BTBD10: variants seen among roughly 807,000 people sequenced by gnomAD.
The protein encoded by BTBD10 is BTB domain containing 10, also known as BTB/POZ domain-containing protein 10.
Under a neutral mutation model 53.2 loss-of-function variants are expected in BTBD10, and 21 were observed. The observed-to-expected ratio is 0.39, with a 90% CI of 0.28 to 0.57. The LOEUF (loss-of-function observed/expected upper bound fraction) is 0.57. BTBD10 is among the 20% of genes least tolerant of loss of function. BTBD10 has a pLI of 0.53. For missense variants in BTBD10, 360 were observed against 594.7 expected (o/e 0.61, Z 4.10); for synonymous variants, 149 against 192.7 (o/e 0.77, Z 1.88).
intron 2 of BTBD10, among the ~76,000 whole-genome samples, chr11:13,423,737 T>TA (rs1316989143): frequency 6.6e-6 from 1 of 152,198 alleles, no homozygotes; most frequent in East Asian, 1.9e-4. Flanking sequence ...TTTTTTGTTA[T>TA]TTTGGTGGTT....
intron 8 of BTBD10, among the ~76,000 whole-genome samples, chr11:13,392,300 G>A (rs1048813346): frequency 7.9e-5 from 12 of 152,238 alleles, no homozygotes; most frequent in Non-Finnish European, 1.3e-4. Flanking sequence ...AGATTGGGAT[G>A]GGCAGAAACA....
chr11:13,461,226 A>G (rs921686223), intron 1 of BTBD10, among the ~76,000 whole-genome samples: 16 of 152,304 alleles, frequency 1.1e-4, no homozygotes, highest in African/African-American at 3.1e-4. Flanking sequence ...AACTATGGAC[A>G]GGTTTGGATT....
chr11:13,419,413 A>T, intron 4 of BTBD10, 47 bp downstream of exon 4: 1 of 1,579,184 alleles, frequency 6.3e-7, no homozygotes, highest in Non-Finnish European at 8.6e-7. Context: ...TAATGGCAGT[A>T]AAAGCACATT....
chr11:13,418,137 G>T (rs1030291852), intron 4 of BTBD10, among the ~76,000 whole-genome samples: 3 of 151,786 alleles, frequency 2.0e-5, no homozygotes, highest in African/African-American at 7.3e-5. Flanking sequence ...CTCTTTTGTT[G>T]TAACACAGAA....
chr11:13,425,802 C>T (rs1033538090), intron 2 of BTBD10, among the ~76,000 whole-genome samples: 4 of 152,102 alleles, frequency 2.6e-5, no homozygotes, highest in African/African-American at 9.7e-5. Flanking sequence ...TTGCTCACTA[C>T]ACACTGTATA....
At chr11:13,408,082 C>T (rs1349163458) in intron 6 of BTBD10, among the ~76,000 whole-genome samples, 2 of 152,142 alleles carry the variant, frequency 1.3e-5, no homozygotes, top group Non-Finnish European at 2.9e-5. Context: ...CAGCCATAAG[C>T]CACCTCTGCT....
intron 3 of BTBD10, among the ~76,000 whole-genome samples, chr11:13,420,810 C>G (rs1184732464): frequency 6.6e-6 from 1 of 152,104 alleles, no homozygotes; most frequent in Non-Finnish European, 1.5e-5. Context: ...TTATTATATC[C>G]TGCTATTCTA....
chr11:13,407,926 C>A (rs868135498), intron 6 of BTBD10, among the ~76,000 whole-genome samples: 3 of 152,178 alleles, frequency 2.0e-5, no homozygotes, highest in African/African-American at 7.2e-5. Flanking sequence ...AGAGAGCACA[C>A]ATAGGTATTC....
At chr11:13,404,812 G>A (rs1360832268) in intron 7 of BTBD10, among the ~76,000 whole-genome samples, 10 of 152,106 alleles carry the variant, frequency 6.6e-5, no homozygotes, top group South Asian at 2.1e-4. Context: ...AATCTCCTTC[G>A]GAAGTTAAAA....
chr11:13,437,386 A>G (rs1057429366), intron 2 of BTBD10, among the ~76,000 whole-genome samples: 2 of 152,164 alleles, frequency 1.3e-5, no homozygotes, highest in Admixed American at 6.5e-5. Context: ...CCTTACATAT[A>G]TACTCCCAAA....
At position 13,388,951 on chromosome 11, in the gene BTBD10, G is replaced by A. The variant is rs1949331417; in HGVS notation, c.1308C>T (p.Pro436=). 5 of 1,614,048 alleles carry A rather than the reference G, an allele frequency of 3.1e-6. No homozygotes were observed. In the Admixed American group the frequency reaches 8.3e-5, roughly 27 times the overall value. The change falls in exon 9 of 9, where the codon CCC becomes CCT. Residue 436 remains proline, a synonymous_variant. Coordinates refer to ENST00000278174, the MANE Select transcript of BTBD10 (RefSeq NM_032320.7). Reference sequence around the variant, plus strand: ...GATGCATGACTACCAGCTGGTCCTGGGGAATGTCTGCTGCAGCTGCTGCAA... The same window carrying A: ...GATGCATGACTACCAGCTGGTCCTGAGGAATGTCTGCTGCAGCTGCTGCAA... ...TNLAAAAADI[P]QDQLVVMHPT...
At chr11:13,453,847 T>C (rs1950913268) in intron 1 of BTBD10, among the ~76,000 whole-genome samples, 1 of 152,026 alleles carries the variant, frequency 6.6e-6, no homozygotes, top group Non-Finnish European at 1.5e-5. Context: ...AGGTCAGAAG[T>C]TCAAGACCAG....
At chr11:13,458,998 A>C (rs774333980) in intron 1 of BTBD10, among the ~76,000 whole-genome samples, 2 of 151,838 alleles carry the variant, frequency 1.3e-5, no homozygotes, top group Non-Finnish European at 2.9e-5. Context: ...TGTACCTAAG[A>C]TTCTCTGTCA....
Position 13,419,675 on chromosome 11 carries a change from G to C in BTBD10, c.369C>G (p.Ser123=). 1 of 1,613,946 alleles carries C rather than the reference G, an allele frequency of 6.2e-7. No homozygotes were observed. The highest frequency in any genetic ancestry group is 8.5e-7 in the Non-Finnish European group (1 of 1,179,928). The stretch of plus-strand genomic sequence containing the variant: ...TGCTGCTGTTCCCAGCACTGCTAAT[G>C]GAACCATTTGGGGATGCTTTTTGAG... ...PRPQKASPNG[S]ISSAGNSSRN... is the part of the protein sequence containing the mutation. The change falls in exon 4 of 9, where the codon TCC becomes TCG. Residue 123 remains serine (S), a synonymous_variant. Transcript: ENST00000278174.
chr11:13,448,076 A>G (rs898999735), intron 1 of BTBD10, among the ~76,000 whole-genome samples: 1 of 152,176 alleles, frequency 6.6e-6, no homozygotes, highest in Non-Finnish European at 1.5e-5. Context: ...CAGTGACAGT[A>G]TATTTGTCGG....
chr11:13,400,635 C>T (rs574423925), intron 8 of BTBD10, among the ~76,000 whole-genome samples: 4 of 152,222 alleles, frequency 2.6e-5, no homozygotes, highest in Admixed American at 1.3e-4. Context: ...TTTTCTGCGT[C>T]GCTCACGCTG....
chr11:13,459,560 G>A (rs371788599), intron 1 of BTBD10: 62 of 152,170 alleles, frequency 4.1e-4, no homozygotes, highest in African/African-American at 1.3e-3. Flanking sequence ...CCTTACTTTC[G>A]GTTCAGAATC....
chr11:13,437,258 G>C (rs939506164), intron 2 of BTBD10, among the ~76,000 whole-genome samples: 1 of 152,164 alleles, frequency 6.6e-6, no homozygotes, highest in Admixed American at 6.5e-5. Context: ...AAGAAGATGG[G>C]AAGCCATATG....
chr11:13,426,244 C>T (rs1950336868), intron 2 of BTBD10, among the ~76,000 whole-genome samples: 1 of 151,936 alleles, frequency 6.6e-6, no homozygotes, highest in South Asian at 2.1e-4. Context: ...GTAAAAACAT[C>T]TTTCAAAAAT....
Sources: allele counts gnomAD v4.1 joint callset (sites outside exome capture counted in the v4.1 genomes callset), GRCh38; gene constraint gnomAD v4.1.1; transcripts MANE v1.5; gene names NCBI Gene and HGNC (gene_info 2026-07-23, HGNC 2026-07-21).